GPR135: variants seen among roughly 807,000 people sequenced by gnomAD.
GPR135 encodes the protein G-protein coupled receptor 135.
In GPR135, 17 loss-of-function variants were observed where a neutral mutation model predicts 15.0. The ratio of observed to expected loss-of-function variants is 1.13; its 90% CI spans 0.78 to 1.70. The LOEUF (loss-of-function observed/expected upper bound fraction) is 1.70, where lower values mean the gene tolerates loss of function less well. Ranked by LOEUF, GPR135 falls within the 40% of genes most tolerant of loss-of-function variation. The probability of loss-of-function intolerance (pLI) is 0.00; values close to 1 mark genes in which losing one functional copy is unlikely to be tolerated. For missense variants in GPR135, 776 were observed against 727.0 expected (o/e 1.07, Z -0.78); for synonymous variants, 368 against 349.4 (o/e 1.05, Z -0.59).
At chr14:59,459,225 A>G (rs1178076218), downstream of GPR135, among the ~76,000 whole-genome samples, 1 of 152,266 alleles carries the variant, frequency 6.6e-6, no homozygotes, top group Non-Finnish European at 1.5e-5. Flanking sequence ...TGGAACTTCC[A>G]AAGTATGTTT....
chr14:59,464,771 C>T lies in GPR135; in HGVS notation c.456G>A (p.Thr152=), dbSNP rs1285789701. 7 of 1,570,602 alleles carry T rather than the reference C, an allele frequency of 4.5e-6. No homozygotes were observed. Among genetic ancestry groups the T allele is most frequent in the Non-Finnish European group, 6.0e-6 (7 of 1,157,782 alleles). The stretch of plus-strand genomic sequence containing the variant: ...AGGCGGCGGGCAGGCAGAGCAGCGC[C>T]GTGAGCAGATCCGATAGGGACAGCG... ...ILSLSLSDLL[T]ALLCLPAAFL... is the part of the protein sequence containing the mutation. Residue 152 remains threonine, a synonymous_variant, in exon 1 of 1, where the codon ACG becomes ACA. Transcript: ENST00000395116.
chr14:59,456,220 TA>T (rs138733432), downstream of GPR135, among the ~76,000 whole-genome samples: 7 of 150,446 alleles, frequency 4.7e-5, no homozygotes, highest in East Asian at 5.8e-4. Context: ...CCTAATGAGT[TA>T]AAAAAAAACA....
At chr14:59,454,864 G>A (rs1203186474) in intron 6 of GPR135, among the ~76,000 whole-genome samples, 1 of 152,172 alleles carries the variant, frequency 6.6e-6, no homozygotes, top group Non-Finnish European at 1.5e-5. Flanking sequence ...CACTTAGGGA[G>A]GCCGAGGCAG....
In GPR135 at chr14:59,465,297, C is replaced by T; in HGVS notation, c.-71G>A. 25 of 1,146,490 alleles carry T rather than the reference C, an allele frequency of 2.2e-5. No individual in the cohort carries two copies. The highest frequency in any genetic ancestry group is 2.7e-5 in the Non-Finnish European group (25 of 915,964). 71.0% of individuals were successfully genotyped at this position (1,146,490 alleles called of 1,614,324 possible). A position where few individuals can be genotyped will look rare whatever the true frequency, so the allele number is the denominator to read the frequency against. Reference sequence around the variant, plus strand: ...GGCGGCCGCTAGGTCGGAGTGGTGGCTCGGGGCCGGGGGCTAGCGGCCGCC... The same window carrying T: ...GGCGGCCGCTAGGTCGGAGTGGTGGTTCGGGGCCGGGGGCTAGCGGCCGCC... On this transcript the variant is annotated 5_prime_UTR_variant, in exon 1 of 1. Transcript: ENST00000395116.
At chr14:59,458,667 G>T (rs975974908), downstream of GPR135, among the ~76,000 whole-genome samples, 1 of 152,004 alleles carries the variant, frequency 6.6e-6, no homozygotes, top group Non-Finnish European at 1.5e-5. Context: ...GGCATTGGGT[G>T]GGGGGGTTCA....
chr14:59,459,919 T>C (rs1335475275), downstream of GPR135, among the ~76,000 whole-genome samples: 2 of 152,172 alleles, frequency 1.3e-5, no homozygotes, highest in African/African-American at 4.8e-5. Flanking sequence ...TTCATTATAA[T>C]TGGAAAACAT....
At position 59,464,425 on chromosome 14, in the gene GPR135, G is replaced by A; in HGVS notation, c.802C>T (p.Pro268Ser). 1 of 1,580,368 alleles carries A rather than the reference G, an allele frequency of 6.3e-7. No individual in the cohort carries two copies. Among genetic ancestry groups the A allele is most frequent in the Non-Finnish European group, 8.6e-7 (1 of 1,165,230 alleles). Residue 268 changes from proline (P) to serine (S), a missense_variant, in exon 1 of 1, where the codon CCG becomes TCG. By Grantham distance (74) the Pro-to-Ser change is moderately conservative (BLOSUM62 -1). Coordinates refer to ENST00000395116, the MANE Select transcript of GPR135 (RefSeq NM_022571.6). ...GCCGCGCCCAGCTGCGCGGGGTCCGGGGAGGTCCGGTAGAGGCAGCCGTGG... is the reference window on the plus strand; with the variant it reads ...GCCGCGCCCAGCTGCGCGGGGTCCGAGGAGGTCCGGTAGAGGCAGCCGTGG... ...SFHGCLYRTSPDPAQLGAAFS... is the reference protein window; with the variant it reads ...SFHGCLYRTSSDPAQLGAAFS...
chr14:59,464,309 C>CA lies in GPR135; in HGVS notation c.917dup (p.Ser307ValfsTer103). The CA allele has an allele frequency of 6.2e-7, 1 of 1,611,626 alleles. No individual in the cohort carries two copies. The highest frequency in any genetic ancestry group is 1.7e-4 in the Middle Eastern group (1 of 6,058). On this transcript the variant is annotated frameshift_variant, in exon 1 of 1. Coordinates refer to ENST00000395116, the MANE Select transcript of GPR135 (RefSeq NM_022571.6). LOFTEE classifies it high-confidence loss of function. ...TCACCGGCCGCACGCGCACGTCCGACAGGCGCACCGTCTTGCAGATGTGGT... is the reference window on the plus strand; with the variant it reads ...TCACCGGCCGCACGCGCACGTCCGACAAGGCGCACCGTCTTGCAGATGTGGT...
chr14:59,464,466 G>T lies in GPR135; in HGVS notation c.761C>A (p.Ala254Glu), dbSNP rs1486893219. ...WELLGAPREL[A>E]AAQSFHGCLY... ...GCAGCCGTGGAAGCTCTGCGCCGCC[G>T]CGAGTTCCCGGGGCGCCCCGAGCAG... Residue 254 changes from alanine to glutamate, a missense_variant, in exon 1 of 1, where the codon GCG becomes GAG. Coordinates refer to ENST00000395116, the MANE Select transcript of GPR135 (RefSeq NM_022571.6). 1.9e-6 allele frequency: 3 copies of T among 1,548,610 alleles called. No individual in the cohort carries two copies. The highest frequency in any genetic ancestry group is 2.6e-6 in the Non-Finnish European group (3 of 1,151,846).
downstream of GPR135, among the ~76,000 whole-genome samples, chr14:59,459,963 G>A (rs1410276921): frequency 6.6e-6 from 1 of 152,212 alleles, no homozygotes; most frequent in Non-Finnish European, 1.5e-5. Context: ...GTTGAGTTAG[G>A]TTTGGTGGCT....
At chr14:59,453,668 A>C (rs1369974055) in intron 6 of GPR135, among the ~76,000 whole-genome samples, 1 of 152,212 alleles carries the variant, frequency 6.6e-6, no homozygotes. Flanking sequence ...GTCCATTGAA[A>C]TTAGTGATAA....
chr14:59,460,172 G>T (rs10144896), downstream of GPR135, among the ~76,000 whole-genome samples: 12,602 of 152,206 alleles, frequency 0.083, 603 homozygotes, highest in Middle Eastern at 0.14. Context: ...CAAGGCTATG[G>T]AGTCTAAGTG....
In GPR135 at chr14:59,465,353, C is replaced by G; in HGVS notation, c.-127G>C. 1 of 663,984 alleles carries G rather than the reference C, an allele frequency of 1.5e-6. No individual in the cohort carries two copies. Among genetic ancestry groups the G allele is most frequent in the Non-Finnish European group, 2.1e-6 (1 of 475,562 alleles). 41.1% of individuals were successfully genotyped at this position (663,984 alleles called of 1,614,324 possible). A position where few individuals can be genotyped will look rare whatever the true frequency, so the allele number is the denominator to read the frequency against. On this transcript the variant is annotated 5_prime_UTR_variant, in exon 1 of 1. Transcript: ENST00000395116. ...GAGCTGGGCTCGGCCGGAGGGGTGG[C>G]GGTCGCTGGGGACCTGGCGGAGCCT...
At chr14:59,457,237 C>G (rs976028611), downstream of GPR135, among the ~76,000 whole-genome samples, 1 of 152,078 alleles carries the variant, frequency 6.6e-6, no homozygotes, top group African/African-American at 2.4e-5. Context: ...AAGGATTTTC[C>G]TTTGTCTTTG....
chr14:59,455,536 C>T (rs950117474), intron 6 of GPR135: 2 of 152,230 alleles, frequency 1.3e-5, no homozygotes, highest in Non-Finnish European at 2.9e-5. Context: ...AACAATTATC[C>T]TCTCAAAGCT....
At chr14:59,454,414 G>A (rs72710934) in intron 6 of GPR135, among the ~76,000 whole-genome samples, 2,208 of 152,318 alleles carry the variant, frequency 0.014, 38 homozygotes, top group African/African-American at 0.043. Flanking sequence ...TGGCTGAGAA[G>A]TATTCACTGG....
chr14:59,462,929 G>A lies in GPR135; in HGVS notation c.*813C>T, dbSNP rs1027669903. ...TTTTTTAAATGTGAAAGCATTCTGA[G>A]AGCAGCATTCCAAAATTTATCAGAA... is the stretch of plus-strand genomic sequence containing the variant. On this transcript the variant is annotated 3_prime_UTR_variant, in exon 1 of 1. Transcript: ENST00000395116. 2 of 152,094 alleles carry A rather than the reference G, an allele frequency of 1.3e-5. No homozygotes were observed. The highest frequency in any genetic ancestry group is 4.8e-5 in the African/African-American group (2 of 41,402). 9.4% of individuals were successfully genotyped at this position (152,094 alleles called of 1,614,324 possible). A position where few individuals can be genotyped will look rare whatever the true frequency, so the allele number is the denominator to read the frequency against.
chr14:59,465,145 C>G lies in GPR135; in HGVS notation c.82G>C (p.Gly28Arg). 7.4e-7 allele frequency: 1 copy of G among 1,353,588 alleles called. No individual in the cohort carries two copies. Among genetic ancestry groups the G allele is most frequent in the Non-Finnish European group, 9.5e-7 (1 of 1,053,646 alleles). The allele number at this position is 1,353,588 out of a possible 1,614,324, so 83.8% of individuals were successfully genotyped here. ...GCGGAGGAAGTCCCGCCAGGTGGGC[C>G]GGCCGCGGAGGGGGCGCCGGAGTGC... ...SQHSGAPSAA[G>R]PPGGTSSAAT... The change falls in exon 1 of 1, where the codon GGC becomes CGC. Residue 28 changes from glycine to arginine, a missense_variant. Transcript: ENST00000395116.
At chr14:59,460,231 T>C (rs1177057788), downstream of GPR135, 2 of 152,246 alleles carry the variant, frequency 1.3e-5, no homozygotes, top group Non-Finnish European at 2.9e-5. Flanking sequence ...GCTGTTCAGA[T>C]GCACTGGAGC....
Sources: gnomAD v4.1 joint callset for allele counts (sites outside exome capture counted in the v4.1 genomes callset) on GRCh38, gnomAD v4.1.1 for gene constraint, MANE v1.5 for transcripts, NCBI Gene and HGNC (gene_info 2026-07-23, HGNC 2026-07-21) for gene names.